Variants in MGAT4C observed in about 807,000 individuals in gnomAD.
MGAT4C encodes the protein MGAT4 family member C.
MGAT4C carries 19 observed loss-of-function variants against 40.1 expected under a neutral mutation model. The ratio of observed to expected loss-of-function variants is 0.47; its 90% CI spans 0.33 to 0.70. The LOEUF (loss-of-function observed/expected upper bound fraction) is 0.70, where lower values mean the gene tolerates loss of function less well. Among genes scored for constraint, MGAT4C ranks in the 30% least tolerant of loss-of-function variants. The pLI is 0.02. For missense variants in MGAT4C, 491 were observed against 563.2 expected, an observed-to-expected ratio of 0.87 and a Z score of 1.30; for synonymous variants, 181 against 187.1, an observed-to-expected ratio of 0.97 and a Z score of 0.27.
chr12:86,578,175 C>T (rs187625189), intron 2 of MGAT4C, among the ~76,000 whole-genome samples: 18 of 151,842 alleles, frequency 1.2e-4, no homozygotes, highest in South Asian at 2.1e-4. Flanking sequence ...CCAAGATAGT[C>T]GAATAGGAGG....
At chr12:86,702,100 C>G (rs184941230) in intron 2 of MGAT4C, among the ~76,000 whole-genome samples, 3 of 152,228 alleles carry the variant, frequency 2.0e-5, no homozygotes, top group Admixed American at 1.3e-4. Flanking sequence ...ACAGCTCATA[C>G]AGCCTCAACC....
At chr12:86,341,234 G>A (rs545764151) in intron 3 of MGAT4C, among the ~76,000 whole-genome samples, 1 of 152,196 alleles carries the variant, frequency 6.6e-6, no homozygotes, top group Admixed American at 6.5e-5. Flanking sequence ...AAATGAATGA[G>A]CCACCCCAGG....
At chr12:86,497,664 G>A (rs953901548) in intron 2 of MGAT4C, among the ~76,000 whole-genome samples, 9 of 151,366 alleles carry the variant, frequency 5.9e-5, no homozygotes, top group Non-Finnish European at 1.3e-4. Context: ...GCGTTTCCAG[G>A]ATGCATAGGA....
At position 86,020,004 on chromosome 12, in the gene MGAT4C, T is replaced by G. The variant is rs966878363; in HGVS notation, c.-7+29670A>C. On this transcript the variant is annotated intron_variant, in intron 2 of 4. Transcript: ENST00000611864. ...TTGGCTCTCTGTTGGTCTGTTATTG[T>G]TGTATAAGAATGCTTGTGATTTTTG... 1.2e-4 allele frequency among the ~76,000 whole-genome samples: 19 copies of G among 152,236 alleles called. 1 individual carries two copies. Among genetic ancestry groups the G allele is most frequent in the African/African-American group, 4.3e-4 (18 of 41,560 alleles).
intron 2 of MGAT4C, among the ~76,000 whole-genome samples, chr12:86,654,703 G>A (rs369540073): frequency 5.3e-5 from 8 of 149,808 alleles, no homozygotes; most frequent in African/African-American, 2.0e-4. Context: ...TTAGGGCAAG[G>A]CCTTCTTTTC....
intron 1 of MGAT4C, among the ~76,000 whole-genome samples, chr12:86,078,520 CT>C (rs1380720771): frequency 6.6e-6 from 1 of 152,228 alleles, no homozygotes; most frequent in Non-Finnish European, 1.5e-5. Context: ...GGACACACTG[CT>C]GCCCTTTCCA....
At chr12:86,624,412 A>C (rs1376938644) in intron 2 of MGAT4C, among the ~76,000 whole-genome samples, 1 of 152,156 alleles carries the variant, frequency 6.6e-6, no homozygotes, top group African/African-American at 2.4e-5. Flanking sequence ...AAGTATTGAA[A>C]ACTTGCCCCA....
At chr12:86,010,096 T>C (rs530730621) in intron 2 of MGAT4C, among the ~76,000 whole-genome samples, 21 of 152,278 alleles carry the variant, frequency 1.4e-4, no homozygotes, top group South Asian at 1.2e-3. Flanking sequence ...ATGTTATATA[T>C]TGTGATAATG....
intron 2 of MGAT4C, among the ~76,000 whole-genome samples, chr12:85,997,650 C>A (rs1565834550): frequency 6.6e-6 from 1 of 152,192 alleles, no homozygotes; most frequent in African/African-American, 2.4e-5. Flanking sequence ...TCCAGCAAGG[C>A]AGTCAAATCT....
intron 4 of MGAT4C, among the ~76,000 whole-genome samples, chr12:86,266,985 T>C (rs1952802719): frequency 6.6e-6 from 1 of 152,106 alleles, no homozygotes; most frequent in Admixed American, 6.5e-5. Context: ...TTTTTCACTT[T>C]TGATTCTACT....
At chr12:86,506,126 G>A (rs1011888502) in intron 2 of MGAT4C, among the ~76,000 whole-genome samples, 2 of 152,140 alleles carry the variant, frequency 1.3e-5, no homozygotes, top group East Asian at 1.9e-4. Flanking sequence ...AGAAAGAGAT[G>A]AGAAAACTGT....
At chr12:86,147,642 T>C (rs1438150193) in intron 1 of MGAT4C, among the ~76,000 whole-genome samples, 1 of 152,162 alleles carries the variant, frequency 6.6e-6, no homozygotes, top group Non-Finnish European at 1.5e-5. Context: ...GAGTGGAGCA[T>C]TGGAGATATT....
chr12:86,308,124 C>T (rs868798753), intron 4 of MGAT4C, among the ~76,000 whole-genome samples: 4 of 150,342 alleles, frequency 2.7e-5, no homozygotes, highest in Non-Finnish European at 4.4e-5. Flanking sequence ...TATCTAAGGA[C>T]GTATTTGAAA....
chr12:86,410,409 G>T (rs889695994), intron 3 of MGAT4C, among the ~76,000 whole-genome samples: 5 of 152,190 alleles, frequency 3.3e-5, no homozygotes, highest in East Asian at 3.9e-4. Context: ...GCTGGGAAAA[G>T]AATTAAGCGA....
At chr12:86,391,270 T>A (rs1956155611) in intron 3 of MGAT4C, among the ~76,000 whole-genome samples, 1 of 152,162 alleles carries the variant, frequency 6.6e-6, no homozygotes, top group Non-Finnish European at 1.5e-5. Flanking sequence ...GTAAGCACTT[T>A]GATTTTTAGA....
intron 2 of MGAT4C, among the ~76,000 whole-genome samples, chr12:86,688,181 T>G (rs1323170660): frequency 1.5e-5 from 1 of 64,882 alleles, no homozygotes; most frequent in East Asian, 4.5e-4. Context: ...TTTTTTTTTT[T>G]GCTTTCCATT....
chr12:86,490,310 A>G (rs1265994330), intron 2 of MGAT4C, among the ~76,000 whole-genome samples: 1 of 152,142 alleles, frequency 6.6e-6, no homozygotes, highest in Admixed American at 6.5e-5. Context: ...AGAATTTCAT[A>G]TCCAGGCAAA....
chr12:85,992,436 C>T (rs567473769), intron 2 of MGAT4C, among the ~76,000 whole-genome samples: 2 of 152,286 alleles, frequency 1.3e-5, no homozygotes, highest in South Asian at 2.1e-4. Flanking sequence ...CCCTGACTGC[C>T]CATTAGGGTG....
At chr12:86,624,463 T>C (rs1962737505) in intron 2 of MGAT4C, among the ~76,000 whole-genome samples, 1 of 152,190 alleles carries the variant, frequency 6.6e-6, no homozygotes. Context: ...GAGAGACTTA[T>C]TGGCTTAAAG....
Sources: gnomAD v4.1 joint callset for allele counts (sites outside exome capture counted in the v4.1 genomes callset) on GRCh38, gnomAD v4.1.1 for gene constraint, MANE v1.5 for transcripts, NCBI Gene and HGNC (gene_info 2026-07-23, HGNC 2026-07-21) for gene names.